NF1: variants seen among roughly 807,000 people sequenced by gnomAD.
The protein encoded by NF1 is neurofibromin 1.
A neutral mutation model predicts 325.7 loss-of-function variants in NF1; 122 were observed. That is an observed-to-expected ratio of 0.37 (90% CI 0.32 to 0.44). The LOEUF (loss-of-function observed/expected upper bound fraction) is 0.44. NF1 is among the 20% of genes least tolerant of loss of function. The pLI, the probability that NF1 is intolerant of heterozygous loss-of-function variation, is 1.00. For missense variants in NF1, 2,140 were observed against 3,415.4 expected, an observed-to-expected ratio of 0.63 and a Z score of 9.31; for synonymous variants, 1,091 against 1,186.0, an observed-to-expected ratio of 0.92 and a Z score of 1.65.
At chr17:31,103,858 A>G (rs1432106443) in intron 1 of NF1, among the ~76,000 whole-genome samples, 1 of 152,022 alleles carries the variant, frequency 6.6e-6, no homozygotes, top group Non-Finnish European at 1.5e-5. Context: ...GCATTGGTTG[A>G]AAGTAAAGAA....
Position 31,153,655 on chromosome 17 carries a change from G to T in NF1, c.61-2328G>T, listed in dbSNP as rs1374208487. On this transcript the variant is annotated intron_variant, in intron 1 of 57. Transcript: ENST00000358273. Reference sequence around the variant, plus strand: ...TTTTGTTTTCCAGACACAGGATCTCGCTCTGTTGCCCAGGCTGGAGTGCAG... The same window carrying T: ...TTTTGTTTTCCAGACACAGGATCTCTCTCTGTTGCCCAGGCTGGAGTGCAG... Among the ~76,000 whole-genome samples the T allele has an allele frequency of 2.6e-5, 4 of 152,158 alleles. No individual in the cohort carries two copies. In the South Asian group the frequency reaches 6.2e-4, roughly 24 times the overall value.
chr17:31,132,292 A>C (rs889512800), intron 1 of NF1, among the ~76,000 whole-genome samples: 8 of 152,218 alleles, frequency 5.3e-5, no homozygotes, highest in Admixed American at 5.2e-4. Context: ...CTGTAATCCC[A>C]GCACTTTGCG....
At chr17:31,294,966 A>C (rs2068429627) in intron 36 of NF1, 2 of 1,613,686 alleles carry the variant, frequency 1.2e-6, no homozygotes, top group East Asian at 4.5e-5. Context: ...CCAACTGTAC[A>C]TCAGGGAGGA....
chr17:31,345,860 T>A (rs2069963730), intron 48 of NF1: 2 of 1,610,636 alleles, frequency 1.2e-6, no homozygotes, highest in South Asian at 2.2e-5. Flanking sequence ...GTTTGAATAT[T>A]CCATTTGAAA....
At chr17:31,296,599 C>G (rs1227235613) in intron 36 of NF1, 5 of 454,046 alleles carry the variant, frequency 1.1e-5, no homozygotes, top group Non-Finnish European at 2.0e-5. Flanking sequence ...TCCCTCCCCC[C>G]TTTTCTAACC....
At chr17:31,134,466 GTTAT>G (rs1915612302) in intron 1 of NF1, among the ~76,000 whole-genome samples, 2 of 151,980 alleles carry the variant, frequency 1.3e-5, no homozygotes, top group South Asian at 4.1e-4. Flanking sequence ...ATATTTATTA[GTTAT>G]TTATTGTTAT....
At chr17:31,143,859 T>C (rs1181533393) in intron 1 of NF1, among the ~76,000 whole-genome samples, 1 of 152,154 alleles carries the variant, frequency 6.6e-6, no homozygotes, top group Non-Finnish European at 1.5e-5. Context: ...ACTCGCTCTG[T>C]TGCCCAGGCT....
chr17:31,134,740 G>A (rs544194001), intron 1 of NF1, among the ~76,000 whole-genome samples: 85 of 152,264 alleles, frequency 5.6e-4, no homozygotes, highest in African/African-American at 1.8e-3. Flanking sequence ...TTTGTAAGAG[G>A]TCTCAGTTCC....
chr17:31,337,703 C>T (rs2069713000), intron 43 of NF1, 116 bp from the exon 44 acceptor site: 2 of 1,379,292 alleles, frequency 1.5e-6, no homozygotes, highest in African/African-American at 2.9e-5. Context: ...AATAAAAACA[C>T]TTGCATGGAC....
chr17:31,318,552 T>C (rs1426834457), intron 36 of NF1: 1 of 1,613,984 alleles, frequency 6.2e-7, no homozygotes, highest in African/African-American at 1.3e-5. Context: ...CCACAGTTGA[T>C]AGAAATAGAA....
At chr17:31,187,574 A>C (rs920829613) in intron 8 of NF1, among the ~76,000 whole-genome samples, 6 of 152,166 alleles carry the variant, frequency 3.9e-5, no homozygotes, top group Admixed American at 6.5e-5. Flanking sequence ...TGAAGTCACA[A>C]TTACAATGCC....
In NF1 at chr17:31,331,595, A is replaced by C. The variant is rs541117001; in HGVS notation, c.5812+1097A>C. On this transcript the variant is annotated intron_variant, in intron 39 of 57. Coordinates refer to ENST00000358273, the MANE Select transcript of NF1 (RefSeq NM_001042492.3). ...CATCAGATCAGTTTAAGAGAAACAG[A>C]TTGATAAAGAAGCATCACAAACTGA... 3 of 152,326 alleles carry C rather than the reference A, an allele frequency of 2.0e-5. No homozygotes were observed. The South Asian group carries it at 6.2e-4, about 32-fold the overall frequency. 9.4% of individuals were successfully genotyped at this position (152,326 alleles called of 1,614,324 possible).
chr17:31,285,567 G>A (rs2068210430), intron 36 of NF1, among the ~76,000 whole-genome samples: 1 of 152,112 alleles, frequency 6.6e-6, no homozygotes. Context: ...AGGTTTTTCT[G>A]CTGGACATGG....
chr17:31,320,219 A>G (rs577324633), intron 36 of NF1, among the ~76,000 whole-genome samples: 1 of 152,184 alleles, frequency 6.6e-6, no homozygotes, highest in South Asian at 2.1e-4. Context: ...GTTAGCATTT[A>G]TTTGAATGAA....
chr17:31,097,692 A>T (rs561848474), intron 1 of NF1, among the ~76,000 whole-genome samples: 9 of 151,832 alleles, frequency 5.9e-5, no homozygotes, highest in African/African-American at 1.7e-4. Flanking sequence ...TATAGGAGAG[A>T]TTATTCCTCA....
intron 1 of NF1, among the ~76,000 whole-genome samples, chr17:31,109,367 G>T (rs188594329): frequency 2.0e-5 from 3 of 151,654 alleles, no homozygotes; most frequent in African/African-American, 7.3e-5. Flanking sequence ...TTTCAGATTT[G>T]AAGATCATTT....
At position 31,337,669 on chromosome 17, in the gene NF1, G is replaced by T. The variant is rs573285677; in HGVS notation, c.6642+87G>T. Reference sequence around the variant, plus strand: ...TATATAGAAGAAATATTGGTTTATTGTGCTATTTTGTACTTAATGCTTAAA... The same window carrying T: ...TATATAGAAGAAATATTGGTTTATTTTGCTATTTTGTACTTAATGCTTAAA... On this transcript the variant is annotated intron_variant, in intron 43 of 57. Coordinates refer to ENST00000358273, the MANE Select transcript of NF1 (RefSeq NM_001042492.3). 1.6e-5 allele frequency: 23 copies of T among 1,434,184 alleles called. No individual in the cohort carries two copies. Among genetic ancestry groups the T allele is most frequent in the East Asian group, 7.4e-5 (3 of 40,444 alleles). The allele number at this position is 1,434,184 out of a possible 1,614,324, so 88.8% of individuals were successfully genotyped here.
At chr17:31,281,602 C>G (rs1459141159) in intron 36 of NF1, among the ~76,000 whole-genome samples, 1 of 152,132 alleles carries the variant, frequency 6.6e-6, no homozygotes, top group African/African-American at 2.4e-5. Flanking sequence ...CCTCACATGT[C>G]TCTCTGCTTT....
At chr17:31,292,658 TTCTG>T (rs1430891127) in intron 36 of NF1, among the ~76,000 whole-genome samples, 1 of 152,208 alleles carries the variant, frequency 6.6e-6, no homozygotes, top group Non-Finnish European at 1.5e-5. Flanking sequence ...TAGATAATTC[TTCTG>T]TCTAAGAACT....
Sources: gnomAD v4.1 joint callset for allele counts (sites outside exome capture counted in the v4.1 genomes callset) on GRCh38, gnomAD v4.1.1 for gene constraint, MANE v1.5 for transcripts, NCBI Gene and HGNC (gene_info 2026-07-23, HGNC 2026-07-21) for gene names.